RBFOX1: variants seen among roughly 807,000 people sequenced by gnomAD.
The protein encoded by RBFOX1 is RNA binding fox-1 homolog 1, also known as RNA binding protein fox-1 homolog 1.
Under a neutral mutation model 57.7 loss-of-function variants are expected in RBFOX1, and 8 were observed. The observed-to-expected ratio is 0.14, with a 90% CI of 0.08 to 0.25. The LOEUF is 0.25. Ranked by LOEUF, RBFOX1 falls within the 10% of genes least tolerant of loss-of-function variation. The pLI, the probability that RBFOX1 is intolerant of heterozygous loss-of-function variation, is 1.00. For synonymous variants in RBFOX1, 326 were observed against 222.4 expected (o/e 1.47, Z -4.15); for missense variants, 611 against 548.5 (o/e 1.11, Z -1.14).
chr16:5,398,692 G>A (rs961146690), intron 1 of RBFOX1, among the ~76,000 whole-genome samples: 1 of 152,106 alleles, frequency 6.6e-6, no homozygotes, highest in African/African-American at 2.4e-5. Context: ...CAGTGGGGGA[G>A]GAAGGAGGCT....
chr16:7,486,120 T>TG (rs1319611020), intron 4 of RBFOX1, among the ~76,000 whole-genome samples: 1 of 137,376 alleles, frequency 7.3e-6, no homozygotes, highest in East Asian at 2.1e-4. Flanking sequence ...TTTGTGTCTT[T>TG]TTTTTTTTTT....
At chr16:7,348,245 A>C (rs2097056410) in intron 4 of RBFOX1, among the ~76,000 whole-genome samples, 1 of 152,204 alleles carries the variant, frequency 6.6e-6, no homozygotes, top group East Asian at 1.9e-4. Flanking sequence ...GCCTACTACA[A>C]ACCACTCTTT....
chr16:5,338,851 A>G (rs534758430), intron 1 of RBFOX1, among the ~76,000 whole-genome samples: 10 of 151,936 alleles, frequency 6.6e-5, no homozygotes, highest in East Asian at 5.8e-4. Context: ...GGGTCTTACT[A>G]TGTTTCCCAG....
chr16:7,005,376 G>A lies in RBFOX1; in HGVS notation c.-15-46681G>A, dbSNP rs547420925. Among the ~76,000 whole-genome samples the A allele has an allele frequency of 2.0e-5, 3 of 152,246 alleles. No individual in the cohort carries two copies. In the South Asian group the frequency reaches 6.2e-4, roughly 32 times the overall value. On this transcript the variant is annotated intron_variant, in intron 3 of 15. Coordinates refer to ENST00000550418, the MANE Select transcript of RBFOX1 (RefSeq NM_018723.4). ...ACTAAGTTGACTTATAGAATAGAGG[G>A]ATGGCAAGGAAACATCCCAATACAG... is the stretch of plus-strand genomic sequence containing the variant.
chr16:7,275,374 T>C (rs912693265), intron 4 of RBFOX1, among the ~76,000 whole-genome samples: 1 of 152,226 alleles, frequency 6.6e-6, no homozygotes, highest in Non-Finnish European at 1.5e-5. Context: ...GACATGTGTG[T>C]TGCTTCTGAT....
At chr16:7,555,604 C>T (rs942415963) in intron 5 of RBFOX1, among the ~76,000 whole-genome samples, 5 of 152,160 alleles carry the variant, frequency 3.3e-5, no homozygotes, top group Non-Finnish European at 5.9e-5. Context: ...TCTGTGCCCT[C>T]GTCAGGTCTC....
intron 3 of RBFOX1, among the ~76,000 whole-genome samples, chr16:5,623,865 A>G (rs962579223): frequency 6.6e-6 from 1 of 152,176 alleles, no homozygotes; most frequent in Non-Finnish European, 1.5e-5. Flanking sequence ...TATCATTCAT[A>G]TACAGTACAA....
intron 3 of RBFOX1, among the ~76,000 whole-genome samples, chr16:5,660,932 A>C (rs1254084016): frequency 2.6e-5 from 4 of 152,136 alleles, no homozygotes; most frequent in African/African-American, 9.7e-5. Flanking sequence ...AGGAGGAAGG[A>C]GTGCTGATGT....
intron 1 of RBFOX1, among the ~76,000 whole-genome samples, chr16:6,030,008 G>T (rs1371724754): frequency 6.6e-6 from 1 of 152,050 alleles, no homozygotes; most frequent in Non-Finnish European, 1.5e-5. Flanking sequence ...CTGCCTCCTG[G>T]ACTCAAGTGA....
At chr16:6,120,839 T>C (rs2096543682) in intron 1 of RBFOX1, among the ~76,000 whole-genome samples, 1 of 152,136 alleles carries the variant, frequency 6.6e-6, no homozygotes, top group South Asian at 2.1e-4. Context: ...CACTCTCTTT[T>C]TTATCCAAAC....
At chr16:7,408,407 T>A (rs2098382607) in intron 4 of RBFOX1, among the ~76,000 whole-genome samples, 1 of 151,964 alleles carries the variant, frequency 6.6e-6, no homozygotes, top group Non-Finnish European at 1.5e-5. Flanking sequence ...TTCAAAACTG[T>A]CACTGCACAG....
chr16:5,338,935 T>A (rs2059394610), intron 1 of RBFOX1, among the ~76,000 whole-genome samples: 1 of 152,194 alleles, frequency 6.6e-6, no homozygotes, highest in South Asian at 2.1e-4. Context: ...ATGGTGTACA[T>A]CATGATGTTT....
chr16:5,533,122 T>C (rs73516460), intron 2 of RBFOX1, among the ~76,000 whole-genome samples: 5,456 of 152,248 alleles, frequency 0.036, 335 homozygotes, highest in African/African-American at 0.12. Context: ...AAGGAGTTAT[T>C]CGTCATAACA....
chr16:6,506,189 G>A (rs12928147), intron 2 of RBFOX1, among the ~76,000 whole-genome samples: 33,472 of 152,072 alleles, frequency 0.22, 4,240 homozygotes, highest in Non-Finnish European at 0.29. Context: ...ACAGGAGTGG[G>A]CAGGTCATGT....
At chr16:6,210,507 A>G (rs1336495003) in intron 1 of RBFOX1, among the ~76,000 whole-genome samples, 1 of 152,036 alleles carries the variant, frequency 6.6e-6, no homozygotes, top group Non-Finnish European at 1.5e-5. Context: ...AGACAAGAGG[A>G]TCACTTGAGC....
intron 1 of RBFOX1, among the ~76,000 whole-genome samples, chr16:6,048,411 A>T (rs187219891): frequency 5.3e-5 from 8 of 152,348 alleles, no homozygotes; most frequent in Admixed American, 5.2e-4. Flanking sequence ...GAAACCTTCC[A>T]AATTGTGATT....
Position 6,089,252 on chromosome 16 carries a change from A to G in RBFOX1, c.-127+69260A>G, listed in dbSNP as rs149080275. On this transcript the variant is annotated intron_variant, in intron 1 of 15. Coordinates refer to ENST00000550418, the MANE Select transcript of RBFOX1 (RefSeq NM_018723.4). ...ATCCCGATTAACTGAGTAGCAGGATATTGAGGGAAGCTTCTTGTAATGATT... is the reference window on the plus strand; with the variant it reads ...ATCCCGATTAACTGAGTAGCAGGATGTTGAGGGAAGCTTCTTGTAATGATT... Among the ~76,000 whole-genome samples the G allele has an allele frequency of 3.7e-3, 557 of 152,186 alleles. 2 individuals are homozygous for G. Among genetic ancestry groups the G allele is most frequent in the African/African-American group, 0.013 (544 of 41,510 alleles).
intron 4 of RBFOX1, among the ~76,000 whole-genome samples, chr16:7,235,678 A>G (rs1228478735): frequency 1.3e-5 from 2 of 152,204 alleles, no homozygotes; most frequent in Non-Finnish European, 2.9e-5. Context: ...GACATCAAGA[A>G]TATCCTCTTT....
At chr16:6,899,056 A>G (rs1181206563) in intron 3 of RBFOX1, among the ~76,000 whole-genome samples, 1 of 151,158 alleles carries the variant, frequency 6.6e-6, no homozygotes, top group African/African-American at 2.4e-5. Context: ...ATGTGTATGT[A>G]TAATACATGT....
Sources: allele counts gnomAD v4.1 joint callset (sites outside exome capture counted in the v4.1 genomes callset), GRCh38; gene constraint gnomAD v4.1.1; transcripts MANE v1.5; gene names NCBI Gene and HGNC (gene_info 2026-07-23, HGNC 2026-07-21).